Variants in SIPA1L1 observed in about 807,000 individuals in gnomAD.
The protein encoded by SIPA1L1 is signal-induced proliferation-associated 1-like protein 1.
Under a neutral mutation model 162.7 loss-of-function variants are expected in SIPA1L1, and 26 were observed. That is an observed-to-expected ratio of 0.16 (90% confidence interval 0.12 to 0.22). The LOEUF (loss-of-function observed/expected upper bound fraction) is 0.22, where lower values mean the gene tolerates loss of function less well. SIPA1L1 is among the 10% of genes least tolerant of loss of function. SIPA1L1 has a pLI of 1.00. For synonymous variants in SIPA1L1, 829 were observed against 837.4 expected (o/e 0.99, Z 0.17); for missense variants, 1,874 against 2,241.0 (o/e 0.84, Z 3.31).
At chr14:71,465,467 T>C (rs983414190) in intron 2 of SIPA1L1, among the ~76,000 whole-genome samples, 1 of 152,194 alleles carries the variant, frequency 6.6e-6, no homozygotes, top group African/African-American at 2.4e-5. Flanking sequence ...TCTCCACATA[T>C]GGTATTATGT....
chr14:71,408,290 C>T (rs1416365684), intron 2 of SIPA1L1, among the ~76,000 whole-genome samples: 3 of 152,138 alleles, frequency 2.0e-5, no homozygotes, highest in Non-Finnish European at 4.4e-5. Context: ...GTTCTGCTTT[C>T]GTATTCCTTT....
intron 2 of SIPA1L1, among the ~76,000 whole-genome samples, chr14:71,363,097 A>G (rs1384559752): frequency 6.6e-6 from 1 of 152,204 alleles, no homozygotes; most frequent in African/African-American, 2.4e-5. Flanking sequence ...TGGGAAAGGG[A>G]TTATCCTTTC....
At chr14:71,648,698 A>G (rs1473304783) in intron 7 of SIPA1L1, among the ~76,000 whole-genome samples, 1 of 152,212 alleles carries the variant, frequency 6.6e-6, no homozygotes, top group Non-Finnish European at 1.5e-5. Flanking sequence ...AAAAGTACTA[A>G]TGTCAGCCCC....
chr14:71,634,222 G>A (rs796985639), intron 7 of SIPA1L1, among the ~76,000 whole-genome samples: 4 of 151,876 alleles, frequency 2.6e-5, no homozygotes, highest in African/African-American at 4.8e-5. Flanking sequence ...CCAACATGGC[G>A]AAACCCTGTG....
At chr14:71,413,874 C>G (rs537517780) in intron 2 of SIPA1L1, 2 of 152,238 alleles carry the variant, frequency 1.3e-5, no homozygotes, top group African/African-American at 4.8e-5. Context: ...CTTTTACTTA[C>G]TATGAGTTAT....
intron 7 of SIPA1L1, among the ~76,000 whole-genome samples, chr14:71,628,408 T>A (rs537399313): frequency 6.6e-6 from 1 of 152,350 alleles, no homozygotes; most frequent in South Asian, 2.1e-4. Context: ...CTGTTGATAA[T>A]AAGATAATAA....
In SIPA1L1 at chr14:71,526,597, C is replaced by T. The variant is rs569662922; in HGVS notation, c.-361-2715C>T. ...GCTGTTTTTGTAAATAAAGTTTTAT[C>T]GGAACACAGCCAAGCCCGTATTGTC... On this transcript the variant is annotated intron_variant, in intron 3 of 23. Coordinates refer to ENST00000381232, the MANE Select transcript of SIPA1L1 (RefSeq NM_001386936.1). 4.1e-4 allele frequency among the ~76,000 whole-genome samples: 63 copies of T among 152,182 alleles called. 1 individual carries two copies. Among genetic ancestry groups the T allele is most frequent in the Middle Eastern group, 3.4e-3 (1 of 294 alleles).
chr14:71,629,474 CTT>C (rs2040358022), intron 7 of SIPA1L1, among the ~76,000 whole-genome samples: 1 of 152,226 alleles, frequency 6.6e-6, no homozygotes, highest in Admixed American at 6.5e-5. Flanking sequence ...ACCCTGTCCT[CTT>C]TTCCCTCCCC....
chr14:71,621,125 C>T (rs528288721), intron 6 of SIPA1L1, among the ~76,000 whole-genome samples: 15 of 152,272 alleles, frequency 9.9e-5, no homozygotes, highest in Non-Finnish European at 1.9e-4. Flanking sequence ...TCAACTACTT[C>T]TCCCACCCTC....
intron 9 of SIPA1L1, among the ~76,000 whole-genome samples, chr14:71,659,588 T>C (rs889485523): frequency 1.2e-4 from 19 of 152,288 alleles, no homozygotes; most frequent in African/African-American, 4.6e-4. Context: ...ATAAACTTAT[T>C]CTGACCAGTC....
chr14:71,596,058 A>G (rs1279280288), intron 5 of SIPA1L1, among the ~76,000 whole-genome samples: 1 of 152,240 alleles, frequency 6.6e-6, no homozygotes, highest in Non-Finnish European at 1.5e-5. Flanking sequence ...CTGAGACTAT[A>G]CAGGACTGCA....
intron 2 of SIPA1L1, among the ~76,000 whole-genome samples, chr14:71,509,668 C>T (rs903892252): frequency 2.0e-5 from 3 of 150,306 alleles, no homozygotes; most frequent in Non-Finnish European, 3.0e-5. Context: ...TGCTTGAACC[C>T]GGGAGGCGGA....
chr14:71,612,724 T>C (rs1417252559), intron 5 of SIPA1L1, among the ~76,000 whole-genome samples: 1 of 152,208 alleles, frequency 6.6e-6, no homozygotes, highest in Non-Finnish European at 1.5e-5. Context: ...AGCTTAACTT[T>C]CTTTGCCTTG....
intron 2 of SIPA1L1, among the ~76,000 whole-genome samples, chr14:71,411,081 C>T (rs1460438123): frequency 2.0e-5 from 3 of 151,966 alleles, no homozygotes; most frequent in Non-Finnish European, 4.4e-5. Context: ...TTACATTGCA[C>T]TTTGTATATG....
At chr14:71,360,923 T>C (rs2037745840) in intron 2 of SIPA1L1, among the ~76,000 whole-genome samples, 1 of 152,186 alleles carries the variant, frequency 6.6e-6, no homozygotes, top group Admixed American at 6.5e-5. Context: ...TTCGTAAGGG[T>C]AGTAAGACAT....
At chr14:71,647,316 C>T (rs952960379) in intron 7 of SIPA1L1, among the ~76,000 whole-genome samples, 3 of 151,902 alleles carry the variant, frequency 2.0e-5, no homozygotes, top group African/African-American at 7.3e-5. Context: ...AAAAGAGGCA[C>T]ATTGTCCTGT....
chr14:71,592,853 T>C (rs2035573563), intron 5 of SIPA1L1, among the ~76,000 whole-genome samples: 1 of 152,208 alleles, frequency 6.6e-6, no homozygotes, highest in Non-Finnish European at 1.5e-5. Context: ...TCCCATTGTT[T>C]GTATTTAGTA....
chr14:71,461,247 A>G (rs1292986587), intron 2 of SIPA1L1, among the ~76,000 whole-genome samples: 1 of 152,036 alleles, frequency 6.6e-6, no homozygotes, highest in African/African-American at 2.4e-5. Flanking sequence ...GAATGGTGCC[A>G]TATCAAGGAC....
At chr14:71,471,947 G>A (rs1171285264) in intron 2 of SIPA1L1, among the ~76,000 whole-genome samples, 1 of 152,198 alleles carries the variant, frequency 6.6e-6, no homozygotes, top group African/African-American at 2.4e-5. Flanking sequence ...CCCAACATTT[G>A]GAGGTTGGGT....
Sources: allele counts gnomAD v4.1 joint callset (sites outside exome capture counted in the v4.1 genomes callset), GRCh38; gene constraint gnomAD v4.1.1; transcripts MANE v1.5; gene names NCBI Gene and HGNC (gene_info 2026-07-23, HGNC 2026-07-21).